MAX: variants seen among roughly 807,000 people sequenced by gnomAD.
MAX encodes the protein MYC associated transcriptional regulator X, also known as protein max.
A neutral mutation model predicts 22.3 loss-of-function variants in MAX; 3 were observed. The observed-to-expected ratio is 0.13, with a 90% CI of 0.06 to 0.35. The LOEUF (loss-of-function observed/expected upper bound fraction) is 0.35, where lower values mean the gene tolerates loss of function less well. Among genes scored for constraint, MAX ranks in the 10% least tolerant of loss-of-function variants. The pLI, the probability that MAX is intolerant of heterozygous loss-of-function variation, is 1.00. For synonymous variants in MAX, 72 were observed against 77.7 expected (o/e 0.93, Z 0.39); for missense variants, 119 against 209.4 (o/e 0.57, Z 2.66).
At chr14:65,022,284 G>GTT (rs34044534) in intron 3 of MAX, among the ~76,000 whole-genome samples, 79 of 144,030 alleles carry the variant, frequency 5.5e-4, no homozygotes, top group Middle Eastern at 3.6e-3. Flanking sequence ...CTTTTTTTCT[G>GTT]TTTTTTTTTT....
At chr14:65,068,921 G>A (rs1327634345) in intron 3 of MAX, among the ~76,000 whole-genome samples, 2 of 152,152 alleles carry the variant, frequency 1.3e-5, no homozygotes, top group African/African-American at 2.4e-5. Flanking sequence ...GACAAAGGAG[G>A]CAAGGGGAGG....
chr14:65,083,126 G>A (rs1038318332), intron 3 of MAX, among the ~76,000 whole-genome samples: 2 of 152,170 alleles, frequency 1.3e-5, no homozygotes, highest in African/African-American at 2.4e-5. Context: ...CTGCAGCTAC[G>A]TGTCCATTTG....
chr14:65,061,096 G>T, intron 3 of MAX: 3 of 1,558,088 alleles, frequency 1.9e-6, no homozygotes, highest in Non-Finnish European at 2.6e-6. Context: ...TAAATTCTTA[G>T]AAGTGCCTTT....
In MAX at chr14:65,052,270, C is replaced by T. The variant is rs554051402; in HGVS notation, c.171+41438G>A. Among the ~76,000 whole-genome samples, 5 of 152,172 alleles carry T rather than the reference C, an allele frequency of 3.3e-5. No homozygotes were observed. The East Asian group carries it at 9.7e-4, about 29-fold the overall frequency. On this transcript the variant is annotated intron_variant, in intron 3 of 3. Transcript: ENST00000341653. Reference sequence around the variant, plus strand: ...TGCCTATAGTGGTATAAGTGAAAAACATAAGCTACACAGTTATAATAACTA... The same window carrying T: ...TGCCTATAGTGGTATAAGTGAAAAATATAAGCTACACAGTTATAATAACTA...
intron 3 of MAX, chr14:65,041,035 C>G (rs1430996087): frequency 7.4e-6 from 11 of 1,488,790 alleles, no homozygotes; most frequent in Middle Eastern, 1.8e-4. Flanking sequence ...AGAGTTAGCT[C>G]TGTTCCAACA....
At chr14:65,092,861 A>C (rs1251237420) in intron 3 of MAX, among the ~76,000 whole-genome samples, 1 of 152,266 alleles carries the variant, frequency 6.6e-6, no homozygotes, top group Non-Finnish European at 1.5e-5. Context: ...TTAACAGAAT[A>C]GTTCCTTCTT....
chr14:65,006,690 C>T (rs2061599117), intron 3 of MAX, among the ~76,000 whole-genome samples: 1 of 152,228 alleles, frequency 6.6e-6, no homozygotes, highest in African/African-American at 2.4e-5. Flanking sequence ...CTGTTTCTCA[C>T]ATGAACCTTT....
rs139333427 is a variant in MAX, at chr14:65,087,777, T to C, written c.171+5931A>G. ...TGAAATGAGTTAAGACAAGGCACGA[T>C]TGGTTTTGAAATGTGAGGACATGAG... On this transcript the variant is annotated intron_variant, in intron 3 of 4. Transcript: ENST00000358664. Among the ~76,000 whole-genome samples the C allele has an allele frequency of 2.5e-3, 373 of 152,160 alleles. 2 individuals are homozygous for C. Among genetic ancestry groups the C allele is most frequent in the African/African-American group, 7.0e-3 (292 of 41,516 alleles).
At chr14:65,008,008 G>A (rs952457580) in intron 3 of MAX, among the ~76,000 whole-genome samples, 89 of 152,162 alleles carry the variant, frequency 5.8e-4, no homozygotes, top group African/African-American at 2.1e-3. Context: ...CTTAGCTCCC[G>A]TGTTTTCTAC....
chr14:65,040,686 C>T, intron 3 of MAX: 1 of 1,217,772 alleles, frequency 8.2e-7, no homozygotes. Context: ...TGATGGTTCA[C>T]ACCTTAATCT....
intron 3 of MAX, among the ~76,000 whole-genome samples, chr14:65,057,540 A>G (rs1378669020): frequency 1.3e-5 from 2 of 152,168 alleles, no homozygotes; most frequent in African/African-American, 4.8e-5. Context: ...TAACTTAAGG[A>G]ATCTCTACCA....
At position 65,062,582 on chromosome 14, in the gene MAX, A is replaced by G. The variant is rs926895687; in HGVS notation, c.171+31126T>C. On this transcript the variant is annotated intron_variant, in intron 3 of 3. Coordinates refer to the MAX transcript ENST00000341653. This position sits in a 1 kb window ranked among gnomAD's most constrained non-coding sequence, Gnocchi z 4.3. The stretch of plus-strand genomic sequence containing the variant: ...AAAAACCTGGCCATTTGCTGCCTCT[A>G]ATTCCCTTTTGCTTTGCCATATTGG... The G allele has an allele frequency of 2.0e-5, 3 of 152,812 alleles. No individual in the cohort carries two copies. Among genetic ancestry groups the G allele is most frequent in the African/African-American group, 4.8e-5 (2 of 41,594 alleles). The allele number at this position is 152,812 out of a possible 1,614,324, so 9.5% of individuals were successfully genotyped here.
At chr14:65,085,938 TAACTCCCAC>T (rs2063322729) in intron 3 of MAX, among the ~76,000 whole-genome samples, 1 of 152,216 alleles carries the variant, frequency 6.6e-6, no homozygotes, top group Non-Finnish European at 1.5e-5. Context: ...ATCTTGAATT[TAACTCCCAC>T]AATTCCCATG....
intron 3 of MAX, among the ~76,000 whole-genome samples, chr14:65,037,741 ATTATTTATTTATTTATTTAT>A (rs201126999): frequency 0.011 from 1,432 of 132,686 alleles, 40 homozygotes; most frequent in African/African-American, 0.039. Flanking sequence ...TTATTTATTT[ATTATTTATTTATTTATTTAT>A]TTATTTATTT....
At chr14:65,102,072 T>C (rs2063861420) in intron 1 of MAX, among the ~76,000 whole-genome samples, 1 of 151,578 alleles carries the variant, frequency 6.6e-6, no homozygotes, top group Admixed American at 6.6e-5. Flanking sequence ...AGGGAGGAGG[T>C]GGGGGTCCCA....
intron 3 of MAX, among the ~76,000 whole-genome samples, chr14:65,043,127 G>C (rs1243221260): frequency 6.6e-6 from 1 of 152,168 alleles, no homozygotes; most frequent in African/African-American, 2.4e-5. Flanking sequence ...CCTTTCAGTT[G>C]AGTGAGGCAG....
chr14:65,012,301 C>G lies in MAX; in HGVS notation c.172-6017G>C. The G allele has an allele frequency of 6.2e-7, 1 of 1,614,038 alleles. No homozygotes were observed. Among genetic ancestry groups the G allele is most frequent in the Non-Finnish European group, 8.5e-7 (1 of 1,179,906 alleles). On this transcript the variant is annotated intron_variant, in intron 3 of 3. Transcript: ENST00000341653. The surrounding 1 kb of genome is among the most constrained non-coding windows in gnomAD (Gnocchi z 5.0). ...TAAGCTATTAGAATGGGCTTATAAA[C>G]TGTTTGTCTTTCCAGGCTTGTTTTG... is the stretch of plus-strand genomic sequence containing the variant.
chr14:65,037,662 T>C (rs1468792100), intron 3 of MAX, among the ~76,000 whole-genome samples: 3 of 149,856 alleles, frequency 2.0e-5, no homozygotes, highest in Non-Finnish European at 4.4e-5. Flanking sequence ...TGGGCTGACG[T>C]AATCCTCCTG....
chr14:65,091,705 T>C (rs923506631), intron 3 of MAX: 1 of 152,220 alleles, frequency 6.6e-6, no homozygotes, highest in Non-Finnish European at 1.5e-5. Context: ...TTTGCTAAAA[T>C]GTCACCTTGC....
Sources: gnomAD v4.1 joint callset for allele counts (sites outside exome capture counted in the v4.1 genomes callset) on GRCh38, gnomAD v4.1.1 for gene constraint, Gnocchi (gnomAD v3.1) non-coding constraint, MANE v1.5 for transcripts, NCBI Gene and HGNC (gene_info 2026-07-23, HGNC 2026-07-21) for gene names.